CKAP5: variants seen among roughly 807,000 people sequenced by gnomAD.
CKAP5 encodes cytoskeleton-associated protein 5.
Under a neutral mutation model 232.8 loss-of-function variants are expected in CKAP5, and 27 were observed. That is an observed-to-expected ratio of 0.12 (90% confidence interval 0.09 to 0.16). The LOEUF (loss-of-function observed/expected upper bound fraction) is 0.16. Ranked by LOEUF, CKAP5 falls within the 10% of genes least tolerant of loss-of-function variation. The probability of loss-of-function intolerance (pLI) is 1.00; values close to 1 mark genes in which losing one functional copy is unlikely to be tolerated. For missense variants in CKAP5, 1,838 were observed against 2,424.7 expected, an observed-to-expected ratio of 0.76 and a Z score of 5.08; for synonymous variants, 785 against 841.1, an observed-to-expected ratio of 0.93 and a Z score of 1.16.
chr11:46,756,543 TACAATAAA>T (rs1184242635), intron 35 of CKAP5, among the ~76,000 whole-genome samples: 2 of 152,174 alleles, frequency 1.3e-5, no homozygotes, highest in Non-Finnish European at 2.9e-5. Flanking sequence ...CCTTCATAAG[TACAATAAA>T]ACCATCAACA....
At chr11:46,815,045 A>G (rs1352771476) in intron 4 of CKAP5, among the ~76,000 whole-genome samples, 2 of 152,080 alleles carry the variant, frequency 1.3e-5, no homozygotes, top group Non-Finnish European at 2.9e-5. Context: ...CCAATTTTTA[A>G]AATGTATTTA....
chr11:46,785,714 T>G (rs6485694), intron 16 of CKAP5, among the ~76,000 whole-genome samples: 148,422 of 152,306 alleles, frequency 0.97, 72,433 homozygotes, highest in Middle Eastern at 1. Flanking sequence ...GTAGGTTGAG[T>G]CGAGGGGAAT....
In CKAP5 at chr11:46,753,296, G is replaced by T; in HGVS notation, c.5057+14C>A. On this transcript the variant is annotated intron_variant, in intron 37 of 43. Transcript: ENST00000529230. The stretch of plus-strand genomic sequence containing the variant: ...GGATGCCCCAGGCTCTATTGGCTGA[G>T]AGTACAGATATACCTCAGGATGTTG... 1.3e-6 allele frequency: 2 copies of T among 1,584,348 alleles called. No homozygotes were observed. The highest frequency in any genetic ancestry group is 1.7e-6 in the Non-Finnish European group (2 of 1,168,446).
intron 35 of CKAP5, among the ~76,000 whole-genome samples, chr11:46,755,858 G>A (rs1182069603): frequency 6.6e-6 from 1 of 152,092 alleles, no homozygotes; most frequent in Non-Finnish European, 1.5e-5. Context: ...GAACCCAGGA[G>A]GCGGAGGATG....
At chr11:46,764,218 T>C (rs2065181940) in intron 28 of CKAP5, among the ~76,000 whole-genome samples, 1 of 152,214 alleles carries the variant, frequency 6.6e-6, no homozygotes, top group Non-Finnish European at 1.5e-5. Context: ...GCCACATCTT[T>C]GATAGAGAGA....
At chr11:46,788,624 G>T in intron 16 of CKAP5, 57 bp downstream of exon 16, 1 of 1,005,574 alleles carries the variant, frequency 9.9e-7, no homozygotes, top group Non-Finnish European at 1.6e-6. Flanking sequence ...TACTCCATAG[G>T]ATGATGTAAT....
At chr11:46,753,272 G>T in intron 37 of CKAP5, 38 bp downstream of exon 37, 1 of 1,505,580 alleles carries the variant, frequency 6.6e-7, no homozygotes, top group Non-Finnish European at 9.0e-7. Flanking sequence ...CAAAAGCGAG[G>T]ATGCCCCAGG....
chr11:46,842,962 G>A lies in CKAP5; in HGVS notation c.-38+3258C>T, dbSNP rs868073526. On this transcript the variant is annotated intron_variant, in intron 1 of 43. Transcript: ENST00000529230. ...AGCCTGGGTGACAGAGCAAGACTCCGTCTCAAAAAAAAAAAAAAAAAAAAA... is the reference window on the plus strand; with the variant it reads ...AGCCTGGGTGACAGAGCAAGACTCCATCTCAAAAAAAAAAAAAAAAAAAAA... 5.0e-4 allele frequency among the ~76,000 whole-genome samples: 50 copies of A among 99,480 alleles called. No individual in the cohort carries two copies. In the Middle Eastern group the frequency reaches 0.02, roughly 40 times the overall value. The allele number at this position is 99,480 out of a possible 152,430, so 65.3% of individuals were successfully genotyped here. A position where few individuals can be genotyped will look rare whatever the true frequency, so the allele number is the denominator to read the frequency against.
chr11:46,834,786 A>C (rs1002973789), intron 1 of CKAP5, among the ~76,000 whole-genome samples: 3 of 152,216 alleles, frequency 2.0e-5, no homozygotes, highest in African/African-American at 7.2e-5. Flanking sequence ...GCATAAAAAT[A>C]TTTTTATGTA....
chr11:46,783,416 T>TA, intron 17 of CKAP5, 48 bp from the exon 18 acceptor site: 10 of 1,158,314 alleles, frequency 8.6e-6, no homozygotes, highest in Non-Finnish European at 1.2e-5. Context: ...GTATTTCTTA[T>TA]AGAAATACAG....
intron 1 of CKAP5, among the ~76,000 whole-genome samples, chr11:46,834,951 T>C (rs1939881694): frequency 6.7e-6 from 1 of 150,292 alleles, no homozygotes; most frequent in Non-Finnish European, 1.5e-5. Context: ...GCCACAGGCA[T>C]GCACCACCAC....
At chr11:46,760,867 G>A in intron 32 of CKAP5, 83 bp from the exon 33 acceptor site, 1 of 1,197,848 alleles carries the variant, frequency 8.3e-7, no homozygotes, top group South Asian at 1.4e-5. Flanking sequence ...AACCTTCTAT[G>A]TTAGGACATG....
At chr11:46,762,917 C>T (rs903414778) in intron 30 of CKAP5, 59 bp downstream of exon 30, 2 of 1,515,530 alleles carry the variant, frequency 1.3e-6, no homozygotes, top group Admixed American at 1.7e-5. Flanking sequence ...AATAAAAGTA[C>T]AGAAACTGAG....
intron 16 of CKAP5, among the ~76,000 whole-genome samples, 161 bp from the exon 17 acceptor site, chr11:46,784,834 C>T (rs2065377088): frequency 6.6e-6 from 1 of 152,056 alleles, no homozygotes; most frequent in African/African-American, 2.4e-5. Flanking sequence ...TAATTTGTAT[C>T]CTTTAATTGT....
chr11:46,801,491 G>A (rs1212685758), intron 8 of CKAP5, among the ~76,000 whole-genome samples, 187 bp from the exon 9 acceptor site: 1 of 152,154 alleles, frequency 6.6e-6, no homozygotes, highest in African/African-American at 2.4e-5. Context: ...CCAACATGGT[G>A]AGACCCTGTC....
chr11:46,833,670 G>C (rs558989189), intron 1 of CKAP5, among the ~76,000 whole-genome samples: 28 of 150,892 alleles, frequency 1.9e-4, no homozygotes, highest in African/African-American at 6.8e-4. Flanking sequence ...GTAAAGATGG[G>C]GTTTCACCGT....
intron 29 of CKAP5, 129 bp from the exon 30 acceptor site, chr11:46,763,308 G>A (rs1223193462): frequency 4.0e-6 from 4 of 1,000,018 alleles, no homozygotes; most frequent in African/African-American, 1.6e-5. Flanking sequence ...CTTCAATTAA[G>A]ACCTAAAAAA....
intron 28 of CKAP5, 79 bp from the exon 29 acceptor site, chr11:46,763,709 C>T: frequency 1.1e-6 from 1 of 885,634 alleles, no homozygotes; most frequent in Non-Finnish European, 1.6e-6. Context: ...AATGCAGCTG[C>T]AGGAACAATA....
intron 1 of CKAP5, among the ~76,000 whole-genome samples, chr11:46,829,834 TTGTATGTGTGTGTGTG>T (rs953208331): frequency 8.1e-5 from 9 of 110,734 alleles, no homozygotes; most frequent in Middle Eastern, 8.3e-3. Flanking sequence ...AATTCCTTTT[TTGTATGTGTGTGTGTG>T]TGTGTGTGTG....
Sources: allele counts gnomAD v4.1 joint callset (sites outside exome capture counted in the v4.1 genomes callset), GRCh38; gene constraint gnomAD v4.1.1; transcripts MANE v1.5; gene names NCBI Gene and HGNC (gene_info 2026-07-23, HGNC 2026-07-21).